Variants in PROX2 observed in about 807,000 individuals in gnomAD.
PROX2 encodes the protein prospero homeobox protein 2.
Under a neutral mutation model 48.9 loss-of-function variants are expected in PROX2, and 46 were observed. That is an observed-to-expected ratio of 0.94 (90% CI 0.74 to 1.20). The LOEUF is 1.20. Among genes scored for constraint, PROX2 ranks in the 50% most tolerant of loss-of-function variants. The pLI, the probability that PROX2 is intolerant of heterozygous loss-of-function variation, is 0.00. For missense variants in PROX2, 663 were observed against 719.4 expected, an observed-to-expected ratio of 0.92 and a Z score of 0.90; for synonymous variants, 260 against 276.6, an observed-to-expected ratio of 0.94 and a Z score of 0.60.
At chr14:74,861,850 G>A (rs2091797066) in intron 3 of PROX2, among the ~76,000 whole-genome samples, 1 of 152,158 alleles carries the variant, frequency 6.6e-6, no homozygotes, top group Non-Finnish European at 1.5e-5. Flanking sequence ...AGAGCTATGG[G>A]GTTGGGGAGG....
Position 74,863,552 on chromosome 14 carries a change from A to G in PROX2, c.283T>C (p.Cys95Arg), listed in dbSNP as rs2091818202. The G allele has an allele frequency of 1.2e-6, 2 of 1,613,530 alleles. No homozygotes were observed. The highest frequency in any genetic ancestry group is 8.5e-7 in the Non-Finnish European group (1 of 1,179,698). ...GNAQAGVSPRCPKKARERKRK... is the reference protein window; with the variant it reads ...GNAQAGVSPRRPKKARERKRK... Reference sequence around the variant, plus strand: ...TTCCTCTCTCGGGCCTTCTTTGGGCAGCGTGGGCTGACCCCAGCTTGCGCA... The same window carrying G: ...TTCCTCTCTCGGGCCTTCTTTGGGCGGCGTGGGCTGACCCCAGCTTGCGCA... Residue 95 changes from cysteine (C) to arginine (R), a missense_variant, in exon 3 of 6, where the codon TGC becomes CGC. Cys to Arg is a radical substitution (Grantham distance 180, BLOSUM62 -3). Transcript: ENST00000556489.
rs1176542656 is a variant in PROX2 at position 74,854,972 on chromosome 14, A to G, written c.*160T>C. Reference sequence around the variant, plus strand: ...ATAGTTAAATTTCTGATGATTCTGGAAAGGGAAATAAATGATCAAAATGGT... The same window carrying G: ...ATAGTTAAATTTCTGATGATTCTGGGAAGGGAAATAAATGATCAAAATGGT... On this transcript the variant is annotated 3_prime_UTR_variant, in exon 6 of 6. Coordinates refer to ENST00000556489, the MANE Select transcript of PROX2 (RefSeq NM_001243007.2). 1 of 441,678 alleles carries G rather than the reference A, an allele frequency of 2.3e-6. No homozygotes were observed. Among genetic ancestry groups the G allele is most frequent in the Non-Finnish European group, 4.0e-6 (1 of 250,952 alleles). The allele number at this position is 441,678 out of a possible 1,614,324, so 27.4% of individuals were successfully genotyped here.
At chr14:74,872,237 G>A (rs1314506142) in intron 1 of PROX2, among the ~76,000 whole-genome samples, 2 of 152,214 alleles carry the variant, frequency 1.3e-5, no homozygotes, top group Non-Finnish European at 2.9e-5. Context: ...GCTCAAATCA[G>A]ATTTATACAA....
In PROX2 at chr14:74,854,850, C is replaced by G. The variant is rs2091729987; in HGVS notation, c.*282G>C. 4.2e-6 allele frequency: 1 copy of G among 237,398 alleles called. No homozygotes were observed. Among genetic ancestry groups the G allele is most frequent in the African/African-American group, 2.2e-5 (1 of 44,590 alleles). 14.7% of individuals were successfully genotyped at this position (237,398 alleles called of 1,614,324 possible). ...CCAGGAAGTTCCCAGGGTCACAACA[C>G]CTGGAAACAATGGAGTTGAGCTTCA... On this transcript the variant is annotated 3_prime_UTR_variant, in exon 6 of 6. Transcript: ENST00000556489.
In PROX2 at chr14:74,863,387, T is replaced by C. The variant is rs377003419; in HGVS notation, c.448A>G (p.Ile150Val). ...KQQLRHLQEH[I>V]LQAAKPRDTA... is the part of the protein sequence containing the mutation. ...TCCCTGGGCTTGGCAGCCTGTAGGA[T>C]GTGCTCTTGCAGATGTCTTAGCTGT... is the stretch of plus-strand genomic sequence containing the variant. Residue 150 changes from isoleucine to valine, a missense_variant, in exon 3 of 6, where the codon ATC becomes GTC. Coordinates refer to ENST00000556489, the MANE Select transcript of PROX2 (RefSeq NM_001243007.2). 3.1e-6 allele frequency: 5 copies of C among 1,613,764 alleles called. No individual in the cohort carries two copies. Among genetic ancestry groups the C allele is most frequent in the Admixed American group, 3.3e-5 (2 of 59,990 alleles).
intron 3 of PROX2, among the ~76,000 whole-genome samples, chr14:74,862,269 A>G (rs2091799925): frequency 6.6e-6 from 1 of 152,222 alleles, no homozygotes; most frequent in South Asian, 2.1e-4. Flanking sequence ...TGGTGCAATC[A>G]TAGCTCACTG....
chr14:74,854,508 T>A lies in PROX2; in HGVS notation c.*624A>T. On this transcript the variant is annotated 3_prime_UTR_variant, in exon 6 of 6. Coordinates refer to ENST00000556489, the MANE Select transcript of PROX2 (RefSeq NM_001243007.2). Reference sequence around the variant, plus strand: ...CTTGGTTCCTCCAGGCTCCTGACTGTCCCTATCAACCCAGATGTCCTAGCC... The same window carrying A: ...CTTGGTTCCTCCAGGCTCCTGACTGACCCTATCAACCCAGATGTCCTAGCC... 4.9e-6 allele frequency: 1 copy of A among 202,556 alleles called. No individual in the cohort carries two copies. Among genetic ancestry groups the A allele is most frequent in the South Asian group, 6.3e-5 (1 of 15,816 alleles). 12.5% of individuals were successfully genotyped at this position (202,556 alleles called of 1,614,324 possible). A position where few individuals can be genotyped will look rare whatever the true frequency, so the allele number is the denominator to read the frequency against.
At chr14:74,873,230 G>T (rs1038039589) in intron 1 of PROX2, among the ~76,000 whole-genome samples, 3 of 152,080 alleles carry the variant, frequency 2.0e-5, no homozygotes, top group Non-Finnish European at 2.9e-5. Flanking sequence ...TGATCTGCCC[G>T]CCTTGGCCTC....
intron 1 of PROX2, among the ~76,000 whole-genome samples, chr14:74,875,296 T>C (rs1883313602): frequency 1.3e-5 from 2 of 152,246 alleles, no homozygotes; most frequent in African/African-American, 4.8e-5. Flanking sequence ...AAGGGAAATG[T>C]CACAGGCTAG....
Position 74,854,860 on chromosome 14 carries a change from A to G in PROX2, c.*272T>C, listed in dbSNP as rs114899270. 7.9e-3 allele frequency: 1,952 copies of G among 248,206 alleles called. 43 individuals are homozygous for G. The highest frequency in any genetic ancestry group is 0.04 in the African/African-American group (1,817 of 45,012). 15.4% of individuals were successfully genotyped at this position (248,206 alleles called of 1,614,324 possible). ...CCCAGGGTCACAACACCTGGAAACA[A>G]TGGAGTTGAGCTTCAAGTCTTCTGA... On this transcript the variant is annotated 3_prime_UTR_variant, in exon 6 of 6. Transcript: ENST00000556489.
chr14:74,861,794 A>C (rs539872288), intron 3 of PROX2, among the ~76,000 whole-genome samples: 1 of 151,932 alleles, frequency 6.6e-6, no homozygotes, highest in Non-Finnish European at 1.5e-5. Context: ...CTTGTTCCTC[A>C]TCTGCTCCCC....
chr14:74,874,557 A>C (rs1594865778), intron 1 of PROX2, among the ~76,000 whole-genome samples: 1 of 151,974 alleles, frequency 6.6e-6, no homozygotes, highest in African/African-American at 2.4e-5. Flanking sequence ...GGCCTATACA[A>C]ATTTCCTAAA....
At chr14:74,872,055 TC>T (rs1883229227) in intron 1 of PROX2, 1 of 152,194 alleles carries the variant, frequency 6.6e-6, no homozygotes, top group Admixed American at 6.5e-5. Flanking sequence ...AGGCCATGTC[TC>T]CCCTTCTGTG....
At position 74,863,911 on chromosome 14, in the gene PROX2, G is replaced by T; in HGVS notation, c.-77C>A. ...TGGAAGTGCACCCAGAATGCGCTGG[G>T]CTTCCTCCTCTGCACTTAGAAGGGT... is the stretch of plus-strand genomic sequence containing the variant. On this transcript the variant is annotated 5_prime_UTR_variant, in exon 3 of 6. Coordinates refer to ENST00000556489, the MANE Select transcript of PROX2 (RefSeq NM_001243007.2). The T allele has an allele frequency of 7.1e-7, 1 of 1,414,010 alleles. No homozygotes were observed. Among genetic ancestry groups the T allele is most frequent in the Non-Finnish European group, 9.2e-7 (1 of 1,091,852 alleles). 87.6% of individuals were successfully genotyped at this position (1,414,010 alleles called of 1,614,324 possible).
At chr14:74,855,341 G>A in intron 5 of PROX2, 39 bp from the exon 6 acceptor site, 2 of 1,493,222 alleles carry the variant, frequency 1.3e-6, no homozygotes, top group Non-Finnish European at 1.8e-6. Flanking sequence ...GAAAAGACGT[G>A]AGGTTGGGAA....
intron 2 of PROX2, among the ~76,000 whole-genome samples, chr14:74,868,769 C>T (rs1017216823): frequency 6.6e-6 from 1 of 151,540 alleles, no homozygotes; most frequent in Admixed American, 6.6e-5. Context: ...CCCAGGGGGG[C>T]GGAGCCTGCA....
At position 74,855,214 on chromosome 14, in the gene PROX2, C is replaced by T. The variant is rs767271550; in HGVS notation, c.1697G>A (p.Trp566Ter). Residue 566 changes from tryptophan (W) to a stop codon, truncating the protein, a stop_gained, in exon 6 of 6, where the codon TGG becomes TAG. Transcript: ENST00000556489. LOFTEE classifies it high-confidence loss of function. Reference sequence around the variant, plus strand: ...AATAATTTTATAAATGGGTTTCTTCCAGGAAGGATCTGAGTCTCTCCCTGC... The same window carrying T: ...AATAATTTTATAAATGGGTTTCTTCTAGGAAGGATCTGAGTCTCTCCCTGC... ...VSAGRDSDPSWKKPIYKIISK... is the reference protein window; with the variant it reads ...VSAGRDSDPS The T allele has an allele frequency of 6.3e-7, 1 of 1,594,440 alleles. No individual in the cohort carries two copies. Among genetic ancestry groups the T allele is most frequent in the Non-Finnish European group, 8.6e-7 (1 of 1,167,580 alleles).
intron 1 of PROX2, chr14:74,874,397 C>CAT: frequency 1.8e-5 from 4 of 216,680 alleles, no homozygotes; most frequent in South Asian, 6.7e-5. Flanking sequence ...GGATTACAGG[C>CAT]GCCCACCACC....
At position 74,862,936 on chromosome 14, in the gene PROX2, A is replaced by G. The variant is rs1435350979; in HGVS notation, c.899T>C (p.Val300Ala). ...RRVQLQAGVP[V>A]GNLSLAKRLD... is the part of the protein sequence containing the mutation. The stretch of plus-strand genomic sequence containing the variant: ...ACGCTTGGCCAGTGATAAATTTCCT[A>G]CTGGGACCCCAGCTTGTAGCTGGAC... Residue 300 changes from valine to alanine, a missense_variant, in exon 3 of 6, where the codon GTA (valine) becomes GCA (alanine). Val to Ala is a moderately conservative substitution (Grantham distance 64, BLOSUM62 0). Transcript: ENST00000556489. The G allele has an allele frequency of 1.1e-5, 17 of 1,613,756 alleles. No individual in the cohort carries two copies. The highest frequency in any genetic ancestry group is 2.7e-5 in the African/African-American group (2 of 74,874).
Sources: allele counts gnomAD v4.1 joint callset (sites outside exome capture counted in the v4.1 genomes callset), GRCh38; gene constraint gnomAD v4.1.1; transcripts MANE v1.5; gene names NCBI Gene and HGNC (gene_info 2026-07-23, HGNC 2026-07-21).